Variants in FGF13 observed in about 807,000 individuals in gnomAD.
FGF13 encodes the protein fibroblast growth factor 13.
FGF13 carries 2 observed loss-of-function variants against 19.5 expected under a neutral mutation model. The observed-to-expected ratio is 0.10, with a 90% confidence interval of 0.04 to 0.32. FGF13 has a LOEUF of 0.32. Ranked by LOEUF, FGF13 falls within the 10% of genes least tolerant of loss-of-function variation. FGF13 has a pLI of 1.00. For missense variants in FGF13, 113 were observed against 192.7 expected, an observed-to-expected ratio of 0.59 and a Z score of 2.45; for synonymous variants, 72 against 76.9, an observed-to-expected ratio of 0.94 and a Z score of 0.33.
intron 1 of FGF13, among the ~76,000 whole-genome samples, chrX:139,157,510 C>G (rs982880013): frequency 1.8e-5 from 2 of 112,260 alleles, no homozygotes; most frequent in Non-Finnish European, 3.8e-5. Context: ...CTCTCTCTAG[C>G]TCTCTTGTTC....
chrX:138,698,001 C>G (rs1418802480), intron 3 of FGF13, among the ~76,000 whole-genome samples: 3 of 111,385 alleles, frequency 2.7e-5, no homozygotes, highest in Non-Finnish European at 5.6e-5. Flanking sequence ...ACAAAATTAT[C>G]TCTGCACAAC....
At chrX:139,198,545 G>A (rs1471116864) in intron 1 of FGF13, among the ~76,000 whole-genome samples, 1 of 112,003 alleles carries the variant, frequency 8.9e-6, no homozygotes, top group Non-Finnish European at 1.9e-5. Flanking sequence ...GAAAATCAAT[G>A]CTAAAAGTAA....
chrX:139,075,485 A>G (rs1005453902), intron 1 of FGF13, among the ~76,000 whole-genome samples: 1 of 112,189 alleles, frequency 8.9e-6, no homozygotes, highest in Non-Finnish European at 1.9e-5. Context: ...GGCTGTCTCC[A>G]TATATCCCTC....
chrX:138,676,568 G>A (rs2089668561), intron 3 of FGF13, among the ~76,000 whole-genome samples: 2 of 111,445 alleles, frequency 1.8e-5, no homozygotes, highest in African/African-American at 3.3e-5. Flanking sequence ...CAAGCTATTT[G>A]GCACCAGGGA....
chrX:138,837,731 G>A (rs771629179), intron 3 of FGF13, among the ~76,000 whole-genome samples: 46 of 111,817 alleles, frequency 4.1e-4, no homozygotes, highest in African/African-American at 1.4e-3. Flanking sequence ...TTGTAGAGCC[G>A]CTGCACTGTG....
intron 3 of FGF13, among the ~76,000 whole-genome samples, chrX:138,847,144 G>A (rs1481452666): frequency 1.8e-5 from 2 of 111,858 alleles, no homozygotes; most frequent in Admixed American, 1.9e-4. Flanking sequence ...AGCATATGGA[G>A]AAGCCATGGA....
At chrX:138,908,071 CTT>C (rs757824173) in intron 1 of FGF13, among the ~76,000 whole-genome samples, 7,511 of 58,571 alleles carry the variant, frequency 0.13, 929 homozygotes, top group African/African-American at 0.4. Flanking sequence ...TAATCATTTT[CTT>C]TTTTTTTTTT....
intron 1 of FGF13, among the ~76,000 whole-genome samples, chrX:138,988,502 T>G (rs2092002431): frequency 8.9e-6 from 1 of 112,433 alleles, no homozygotes; most frequent in Admixed American, 9.4e-5. Flanking sequence ...ATTGAAAATT[T>G]ATCAAAATTT....
In FGF13 at chrX:138,616,368, A is replaced by AAAG. The variant is rs1279523154; in HGVS notation, c.*16479_*16481dup. 5 of 112,781 alleles carry AAAG rather than the reference A, an allele frequency of 4.4e-5. No homozygotes were observed. 9.3% of individuals were successfully genotyped at this position (112,781 alleles called of 1,213,427 possible). On this transcript the variant is annotated 3_prime_UTR_variant, in exon 5 of 5. Transcript: ENST00000315930. ...TCCAATAGGGCAGTCGTTAAAGCTTAAAGTTCCAAAATGATCTCCTTAGGC... is the reference window on the plus strand; with the variant it reads ...TCCAATAGGGCAGTCGTTAAAGCTTAAAGAAGTTCCAAAATGATCTCCTTAGGC...
chrX:139,168,199 A>T (rs1210192099), intron 1 of FGF13, among the ~76,000 whole-genome samples: 1 of 111,969 alleles, frequency 8.9e-6, no homozygotes, highest in African/African-American at 3.2e-5. Context: ...TGGATGTTTC[A>T]TCAATACAAC....
At chrX:138,965,758 T>C (rs1485221015) in intron 1 of FGF13, among the ~76,000 whole-genome samples, 2 of 111,887 alleles carry the variant, frequency 1.8e-5, no homozygotes, top group Admixed American at 1.9e-4. Context: ...CTTCCATGTG[T>C]GGTGGCCTGT....
chrX:138,628,418 T>TGTGA lies in FGF13; in HGVS notation c.*4431_*4432insTCAC, dbSNP rs2089085085. The TGTGA allele has an allele frequency of 8.9e-6, 1 of 112,208 alleles. No individual in the cohort carries two copies. The highest frequency in any genetic ancestry group is 1.9e-5 in the Non-Finnish European group (1 of 53,263). The allele number at this position is 112,208 out of a possible 1,213,427, so 9.2% of individuals were successfully genotyped here. On this transcript the variant is annotated 3_prime_UTR_variant, in exon 5 of 5. Coordinates refer to ENST00000315930, the MANE Select transcript of FGF13 (RefSeq NM_004114.5). ...AATCACAGCCCTGCTGTAATCAATT[T>TGTGA]CTAAAGTGAGAAAATGGCTTTGAAT... is the stretch of plus-strand genomic sequence containing the variant.
At chrX:138,717,138 T>C (rs1298214673) in intron 1 of FGF13, among the ~76,000 whole-genome samples, 1 of 111,965 alleles carries the variant, frequency 8.9e-6, no homozygotes, top group Admixed American at 9.5e-5. Flanking sequence ...ACCATTTAAT[T>C]AGCCATGGCA....
chrX:139,043,913 TA>T (rs1394464820), intron 1 of FGF13, among the ~76,000 whole-genome samples: 4 of 111,868 alleles, frequency 3.6e-5, no homozygotes, highest in African/African-American at 9.8e-5. Context: ...ATTTCCATAA[TA>T]GGCAAATTCT....
At chrX:138,725,465 A>G (rs765974611) in intron 1 of FGF13, among the ~76,000 whole-genome samples, 4 of 111,466 alleles carry the variant, frequency 3.6e-5, no homozygotes, top group African/African-American at 1.3e-4. Flanking sequence ...CCCTGGATCT[A>G]AGAGCCAGTG....
rs2091047377 is a variant in FGF13, at chrX:138,828,304, C to T, written c.217+29208G>A. Among the ~76,000 whole-genome samples the T allele has an allele frequency of 5.7e-5, 6 of 105,849 alleles. No individual in the cohort carries two copies. The South Asian group carries it at 2.5e-3, about 44-fold the overall frequency. 91.9% of individuals were successfully genotyped at this position (105,849 alleles called of 115,157 possible). On this transcript the variant is annotated intron_variant, in intron 3 of 6. Coordinates refer to the FGF13 transcript ENST00000436198. ...TCCATTAAGGGCCGGGCGCGGTGGT[C>T]ACGCCTGTAATCCCAGCACTTTGGG...
At chrX:139,169,020 A>G (rs1207027385) in intron 1 of FGF13, among the ~76,000 whole-genome samples, 1 of 111,989 alleles carries the variant, frequency 8.9e-6, no homozygotes. Context: ...TCCAACACTT[A>G]CTATGTACCA....
chrX:139,054,924 A>G (rs757277897), intron 1 of FGF13, among the ~76,000 whole-genome samples: 43 of 108,420 alleles, frequency 4.0e-4, no homozygotes, highest in African/African-American at 1.1e-3. Flanking sequence ...ATTGTATTGT[A>G]TTGTATTGTA....
intron 1 of FGF13, among the ~76,000 whole-genome samples, chrX:139,160,497 G>C (rs1053159498): frequency 8.1e-5 from 9 of 111,240 alleles, no homozygotes; most frequent in African/African-American, 2.6e-4. Context: ...GATCAGAGCA[G>C]AACTGAAGGA....
Sources: allele counts gnomAD v4.1 joint callset (sites outside exome capture counted in the v4.1 genomes callset), GRCh38; gene constraint gnomAD v4.1.1; transcripts MANE v1.5; gene names NCBI Gene and HGNC (gene_info 2026-07-23, HGNC 2026-07-21).